Variants in ACSS1 observed in about 807,000 individuals in gnomAD.
The protein encoded by ACSS1 is acetyl-coenzyme A synthetase 2-like, mitochondrial.
ACSS1 carries 42 observed loss-of-function variants against 75.3 expected under a neutral mutation model. That is an observed-to-expected ratio of 0.56 (90% CI 0.44 to 0.72). The LOEUF is 0.72. ACSS1 is among the 30% of genes least tolerant of loss of function. The pLI is 0.00. For missense variants in ACSS1, 782 were observed against 935.7 expected (o/e 0.84, Z 2.14); for synonymous variants, 380 against 376.8 (o/e 1.01, Z -0.10).
chr20:25,013,354 T>A (rs1428944786), intron 10 of ACSS1, among the ~76,000 whole-genome samples, 182 bp downstream of exon 10: 1 of 152,108 alleles, frequency 6.6e-6, no homozygotes, highest in Non-Finnish European at 1.5e-5. Flanking sequence ...ACTGTCAAGA[T>A]AAGGAAAGCC....
intron 2 of ACSS1, chr20:25,032,715 C>G (rs1457276378): frequency 1.1e-5 from 13 of 1,156,526 alleles, no homozygotes; most frequent in Non-Finnish European, 1.4e-5. Context: ...CTCCCGAGAA[C>G]AGTGAAGCTC....
Position 25,015,277 on chromosome 20 carries a change from C to G in ACSS1, c.1247-47G>C, listed in dbSNP as rs775503455. On this transcript the variant is annotated intron_variant, in intron 7 of 13. Transcript: ENST00000323482. ...AAGATGTTAACAGGCTGCAAATAAA[C>G]CTGAAACCAAAGGGAAGTTTTGTTT... 4 of 1,497,182 alleles carry G rather than the reference C, an allele frequency of 2.7e-6. No homozygotes were observed. The Admixed American group carries it at 8.1e-5, about 30-fold the overall frequency. The allele number at this position is 1,497,182 out of a possible 1,614,324, so 92.7% of individuals were successfully genotyped here.
chr20:25,049,189 A>G (rs777672301), intron 1 of ACSS1, among the ~76,000 whole-genome samples: 3 of 152,210 alleles, frequency 2.0e-5, no homozygotes, highest in Non-Finnish European at 4.4e-5. Flanking sequence ...AATAAAAGAG[A>G]AGACATGCCC....
chr20:25,007,528 C>T lies in ACSS1; in HGVS notation c.*234G>A. ...ATTCCAGGAAACCAAACTCAGATGG[C>T]AGAACCAGCCCTAGCCATGTCGCAT... On this transcript the variant is annotated 3_prime_UTR_variant, in exon 14 of 14. Coordinates refer to ENST00000323482, the MANE Select transcript of ACSS1 (RefSeq NM_032501.4). The T allele has an allele frequency of 7.5e-7, 1 of 1,331,586 alleles. No individual in the cohort carries two copies. Among genetic ancestry groups the T allele is most frequent in the Non-Finnish European group, 9.6e-7 (1 of 1,041,882 alleles). The allele number at this position is 1,331,586 out of a possible 1,614,324, so 82.5% of individuals were successfully genotyped here. A position where few individuals can be genotyped will look rare whatever the true frequency, so the allele number is the denominator to read the frequency against.
At chr20:25,010,988 G>C (rs959268581) in intron 12 of ACSS1, 8 of 152,176 alleles carry the variant, frequency 5.3e-5, no homozygotes, top group African/African-American at 1.7e-4. Flanking sequence ...ACCAAGAGCT[G>C]TTCATCAGCT....
intron 1 of ACSS1, among the ~76,000 whole-genome samples, chr20:25,050,200 T>C (rs2089156705): frequency 6.6e-6 from 1 of 151,840 alleles, no homozygotes; most frequent in African/African-American, 2.4e-5. Flanking sequence ...GTGAGTCCAG[T>C]CCAATATTTA....
Position 25,009,145 on chromosome 20 carries a change from CA to C in ACSS1, c.1890+124del, listed in dbSNP as rs1367561468. ...CATCCTCACCACCAGCCAGGAAAAC[CA>C]AACAGCTAGTGTCCGTTTTGATGCT... is the stretch of plus-strand genomic sequence containing the variant. On this transcript the variant is annotated intron_variant, in intron 13 of 13. Coordinates refer to ENST00000323482, the MANE Select transcript of ACSS1 (RefSeq NM_032501.4). 6.7e-6 allele frequency: 6 copies of C among 891,438 alleles called. No homozygotes were observed. In the East Asian group the frequency reaches 9.8e-5, roughly 15 times the overall value. 55.2% of individuals were successfully genotyped at this position (891,438 alleles called of 1,614,324 possible).
chr20:25,013,898 T>C, intron 9 of ACSS1, 63 bp downstream of exon 9: 4 of 1,523,884 alleles, frequency 2.6e-6, no homozygotes, highest in Non-Finnish European at 3.6e-6. Context: ...AGAGCTGGGC[T>C]GGGCAGGCAG....
chr20:25,046,901 G>A (rs1600347166), intron 2 of ACSS1: 1 of 779,664 alleles, frequency 1.3e-6, no homozygotes. Context: ...TGCTGTATAG[G>A]CTGTGAGTCT....
At position 25,047,906 on chromosome 20, in the gene ACSS1, G is replaced by A. The variant is rs192058319; in HGVS notation, c.431+179C>T. 3.6e-3 allele frequency among the ~76,000 whole-genome samples: 541 copies of A among 152,148 alleles called. 2 individuals are homozygous for A. The highest frequency in any genetic ancestry group is 5.0e-3 in the Admixed American group (76 of 15,288). ...AGAGTGTGGCCAGGCAGGCTAGACC[G>A]GCTTTTACTGTGTTTCATTCTGCTT... On this transcript the variant is annotated intron_variant, in intron 2 of 13. Coordinates refer to ENST00000323482, the MANE Select transcript of ACSS1 (RefSeq NM_032501.4).
intron 3 of ACSS1, 114 bp downstream of exon 3, chr20:25,030,645 G>T: frequency 1.6e-6 from 2 of 1,216,308 alleles, no homozygotes; most frequent in African/African-American, 1.5e-5. Flanking sequence ...TCTGTCATTT[G>T]TCTGTGTGAC....
rs570486779 is a variant in ACSS1 at position 25,039,995 on chromosome 20, C to T, written c.431+8090G>A. The stretch of plus-strand genomic sequence containing the variant: ...GGACTGGAGTCCTGGAAGCCAGCCC[C>T]GAGAACAGCTGGTGCCCTGGCAGAA... On this transcript the variant is annotated intron_variant, in intron 2 of 13. Coordinates refer to ENST00000323482, the MANE Select transcript of ACSS1 (RefSeq NM_032501.4). Among the ~76,000 whole-genome samples, 131 of 152,348 alleles carry T rather than the reference C, an allele frequency of 8.6e-4. 1 individual carries two copies. Among genetic ancestry groups the T allele is most frequent in the African/African-American group, 3.0e-3 (123 of 41,578 alleles).
intron 2 of ACSS1, among the ~76,000 whole-genome samples, chr20:25,042,600 C>T (rs1269830293): frequency 6.6e-6 from 1 of 152,112 alleles, no homozygotes; most frequent in Non-Finnish European, 1.5e-5. Flanking sequence ...GGAGTGTGCT[C>T]ACTAGGGTAA....
At chr20:25,050,897 G>A (rs2089166368) in intron 1 of ACSS1, among the ~76,000 whole-genome samples, 1 of 152,138 alleles carries the variant, frequency 6.6e-6, no homozygotes. Context: ...TGGGTGGCCC[G>A]TGAGATAAGC....
chr20:25,046,499 C>A (rs1278968996), intron 2 of ACSS1: 5 of 404,478 alleles, frequency 1.2e-5, no homozygotes, highest in Non-Finnish European at 1.8e-5. Context: ...AGGGTCCAGG[C>A]ACACCTGAGA....
Position 25,013,662 on chromosome 20 carries a change from C to T in ACSS1, c.1453G>A (p.Gly485Ser). Residue 485 changes from glycine to serine, a missense_variant and splice_region_variant, in exon 10 of 14, where the codon GGC becomes AGC. Around this residue, in one of 2 missense-constraint regions of ACSS1, gnomAD observed 405 missense variants for 552.6 expected, o/e 0.73. Transcript: ENST00000323482. ...ACGTTGCTGCCCTCCACGACGCTGC[C>T]CTGTAGACCCCGGACATGCAAGTGA... ...GIVPVLMDEKGSVVEGSNVSG... is the reference protein window; with the variant it reads ...GIVPVLMDEKSSVVEGSNVSG... The T allele has an allele frequency of 1.3e-6, 2 of 1,594,888 alleles. No homozygotes were observed. Among genetic ancestry groups the T allele is most frequent in the South Asian group, 1.1e-5 (1 of 90,628 alleles).
chr20:25,013,671 C>T lies in ACSS1; in HGVS notation c.1453-9G>A, dbSNP rs562522968. The T allele has an allele frequency of 2.5e-6, 4 of 1,589,048 alleles. No individual in the cohort carries two copies. The highest frequency in any genetic ancestry group is 3.4e-6 in the Non-Finnish European group (4 of 1,166,298). On this transcript the variant is annotated splice_polypyrimidine_tract_variant and intron_variant, in intron 9 of 13. Coordinates refer to ENST00000323482, the MANE Select transcript of ACSS1 (RefSeq NM_032501.4). ...CCCTCCACGACGCTGCCCTGTAGAC[C>T]CCGGACATGCAAGTGAGACAGGGCA...
intron 3 of ACSS1, among the ~76,000 whole-genome samples, chr20:25,030,108 T>C (rs2088796726): frequency 6.6e-6 from 1 of 152,202 alleles, no homozygotes; most frequent in African/African-American, 2.4e-5. Flanking sequence ...CTATTTTCTA[T>C]GAGGCACAAG....
At chr20:25,024,975 C>G (rs1288813915) in intron 3 of ACSS1, among the ~76,000 whole-genome samples, 1 of 152,218 alleles carries the variant, frequency 6.6e-6, no homozygotes, top group Non-Finnish European at 1.5e-5. Flanking sequence ...CTGGGGAAAC[C>G]AAGTCAGTTG....
Sources: gnomAD v4.1 joint callset for allele counts (sites outside exome capture counted in the v4.1 genomes callset) on GRCh38, gnomAD v4.1.1 for gene constraint, gnomAD v4.1.1 regional missense constraint, MANE v1.5 for transcripts, NCBI Gene and HGNC (gene_info 2026-07-23, HGNC 2026-07-21) for gene names.